Variants in POLDIP3 observed in about 807,000 individuals in gnomAD.
POLDIP3 encodes the protein DNA polymerase delta interacting protein 3.
In POLDIP3, 14 loss-of-function variants were observed where a neutral mutation model predicts 45.1. The ratio of observed to expected loss-of-function variants is 0.31; its 90% confidence interval spans 0.20 to 0.49. POLDIP3 has a LOEUF of 0.49. Among genes scored for constraint, POLDIP3 ranks in the 20% least tolerant of loss-of-function variants. POLDIP3 has a pLI of 0.99. For synonymous variants in POLDIP3, 223 were observed against 205.2 expected (o/e 1.09, Z -0.74); for missense variants, 511 against 538.8 (o/e 0.95, Z 0.51).
At chr22:42,612,275 T>C (rs1231303895) in intron 1 of POLDIP3, among the ~76,000 whole-genome samples, 2 of 152,222 alleles carry the variant, frequency 1.3e-5, no homozygotes, top group Non-Finnish European at 2.9e-5. Flanking sequence ...ATTAATTCAC[T>C]CAGTCCTAAC....
intron 3 of POLDIP3, among the ~76,000 whole-genome samples, chr22:42,600,408 C>CCT (rs1441637535): frequency 2.0e-5 from 3 of 149,630 alleles, no homozygotes; most frequent in African/African-American, 4.9e-5. Context: ...GGGCGGATCA[C>CCT]GAGGTCAGGA....
intron 1 of POLDIP3, among the ~76,000 whole-genome samples, chr22:42,606,038 A>C (rs1420696634): frequency 6.6e-6 from 1 of 152,232 alleles, no homozygotes; most frequent in African/African-American, 2.4e-5. Context: ...GCTACTCGGA[A>C]GGCTGAGGCA....
intron 7 of POLDIP3, among the ~76,000 whole-genome samples, chr22:42,589,843 C>CAAA (rs544985562): frequency 6.8e-4 from 88 of 128,908 alleles, no homozygotes; most frequent in East Asian, 6.8e-3. Context: ...GACTCCGTAT[C>CAAA]AAAAAAAAAA....
At position 42,595,625 on chromosome 22, in the gene POLDIP3, G is replaced by C; in HGVS notation, c.814-11C>G. 6.2e-7 allele frequency: 1 copy of C among 1,612,840 alleles called. No individual in the cohort carries two copies. Among genetic ancestry groups the C allele is most frequent in the Non-Finnish European group, 8.5e-7 (1 of 1,179,140 alleles). ...TGGGCTGAGAACAGGCTGCCACACAGACAAGAGCATTACCAGAAGCCAGAT... is the reference window on the plus strand; with the variant it reads ...TGGGCTGAGAACAGGCTGCCACACACACAAGAGCATTACCAGAAGCCAGAT... On this transcript the variant is annotated splice_polypyrimidine_tract_variant and intron_variant, in intron 5 of 8. Transcript: ENST00000252115.
chr22:42,591,297 C>T (rs1415255810), intron 7 of POLDIP3, among the ~76,000 whole-genome samples: 2 of 152,110 alleles, frequency 1.3e-5, no homozygotes, highest in African/African-American at 4.8e-5. Flanking sequence ...ATCAGAACTC[C>T]ACTGACTCAC....
chr22:42,600,904 G>A (rs1376337009), intron 3 of POLDIP3, among the ~76,000 whole-genome samples: 1 of 152,144 alleles, frequency 6.6e-6, no homozygotes. Context: ...AGGAGTTCGA[G>A]ACCAGCCTGG....
chr22:42,591,284 C>T (rs1925655565), intron 7 of POLDIP3, among the ~76,000 whole-genome samples: 1 of 152,090 alleles, frequency 6.6e-6, no homozygotes. Context: ...TGGGGAAATG[C>T]AAATCAGAAC....
chr22:42,599,064 G>A (rs879766154), intron 4 of POLDIP3, among the ~76,000 whole-genome samples: 13 of 152,190 alleles, frequency 8.5e-5, no homozygotes, highest in East Asian at 3.8e-4. Flanking sequence ...AAAGGGTTAC[G>A]AAGCATGCAG....
intron 6 of POLDIP3, among the ~76,000 whole-genome samples, chr22:42,593,916 GAGA>G (rs766575724): frequency 3.3e-5 from 5 of 152,220 alleles, no homozygotes; most frequent in East Asian, 1.9e-4. Context: ...CCTGCTAAAG[GAGA>G]AGGAGATACG....
At chr22:42,602,673 A>G in intron 2 of POLDIP3, 97 bp downstream of exon 2, 1 of 1,360,166 alleles carries the variant, frequency 7.4e-7, no homozygotes, top group Non-Finnish European at 1.0e-6. Flanking sequence ...AACACTTGAG[A>G]GGATAGTATT....
In POLDIP3 at chr22:42,602,894, T is replaced by G. The variant is rs777327533; in HGVS notation, c.326A>C (p.Gln109Pro). 6.2e-7 allele frequency: 1 copy of G among 1,613,844 alleles called. No homozygotes were observed. The highest frequency in any genetic ancestry group is 1.3e-5 in the African/African-American group (1 of 74,878). The change falls in exon 2 of 9, where the codon CAG (glutamine) becomes CCG (proline). Residue 109 changes from glutamine to proline, a missense_variant. Gln to Pro is a moderately conservative substitution (Grantham distance 76). Coordinates refer to ENST00000252115, the MANE Select transcript of POLDIP3 (RefSeq NM_032311.5). The part of the protein sequence containing the change: ...NSRKQQTTVP[Q>P]KPRQVADARE... ...GGCATCAGCAACCTGGCGGGGCTTC[T>G]GGGGCACCGTGGTCTGCTGCTTGCG...
At chr22:42,601,634 G>A (rs1292306670) in intron 3 of POLDIP3, among the ~76,000 whole-genome samples, 3 of 152,112 alleles carry the variant, frequency 2.0e-5, no homozygotes, top group South Asian at 2.1e-4. Flanking sequence ...GGTGGTACGC[G>A]CCTGTAGTCC....
chr22:42,610,711 T>C (rs1927066868), intron 1 of POLDIP3, among the ~76,000 whole-genome samples: 2 of 152,164 alleles, frequency 1.3e-5, no homozygotes, highest in African/African-American at 4.8e-5. Flanking sequence ...GAAACCAGCC[T>C]GGGCAACATG....
chr22:42,596,577 G>A (rs1367970137), intron 4 of POLDIP3, among the ~76,000 whole-genome samples: 1 of 152,114 alleles, frequency 6.6e-6, no homozygotes, highest in South Asian at 2.1e-4. Flanking sequence ...GCCTGAACGC[G>A]CACTCACAGA....
At chr22:42,610,525 G>A (rs1256716696) in intron 1 of POLDIP3, among the ~76,000 whole-genome samples, 1 of 152,182 alleles carries the variant, frequency 6.6e-6, no homozygotes, top group Non-Finnish European at 1.5e-5. Flanking sequence ...GCAGCTGACA[G>A]AAAGCTATCC....
At chr22:42,610,505 C>G (rs1927055126) in intron 1 of POLDIP3, among the ~76,000 whole-genome samples, 2 of 152,186 alleles carry the variant, frequency 1.3e-5, no homozygotes, top group Admixed American at 1.3e-4. Context: ...CCACACTGAA[C>G]TGCTTGGAGG....
chr22:42,597,006 G>C (rs1926034801), intron 4 of POLDIP3, among the ~76,000 whole-genome samples: 1 of 152,124 alleles, frequency 6.6e-6, no homozygotes, highest in Non-Finnish European at 1.5e-5. Flanking sequence ...CTATCACAAT[G>C]TGCTGATCAC....
chr22:42,610,536 G>A (rs1298838621), intron 1 of POLDIP3, among the ~76,000 whole-genome samples: 4 of 152,146 alleles, frequency 2.6e-5, no homozygotes, highest in Non-Finnish European at 5.9e-5. Flanking sequence ...AAAGCTATCC[G>A]CTGAGGGTTA....
At chr22:42,596,725 G>A (rs1926015802) in intron 4 of POLDIP3, among the ~76,000 whole-genome samples, 1 of 152,134 alleles carries the variant, frequency 6.6e-6, no homozygotes, top group South Asian at 2.1e-4. Context: ...CTGGTCAGAA[G>A]GCCAAAAGCT....
Sources: gnomAD v4.1 joint callset for allele counts (sites outside exome capture counted in the v4.1 genomes callset) on GRCh38, gnomAD v4.1.1 for gene constraint, MANE v1.5 for transcripts, NCBI Gene and HGNC (gene_info 2026-07-23, HGNC 2026-07-21) for gene names.